Variants in CYP2U1 observed in about 807,000 individuals in gnomAD.
CYP2U1 encodes the protein cytochrome P450 2U1.
Under a neutral mutation model 42.8 loss-of-function variants are expected in CYP2U1, and 28 were observed. The ratio of observed to expected loss-of-function variants is 0.65; its 90% CI spans 0.48 to 0.90. The LOEUF (loss-of-function observed/expected upper bound fraction) is 0.90. Ranked by LOEUF, CYP2U1 falls within the 40% of genes least tolerant of loss-of-function variation. The pLI is 0.00. For synonymous variants in CYP2U1, 296 were observed against 278.9 expected (o/e 1.06, Z -0.61); for missense variants, 642 against 693.8 (o/e 0.93, Z 0.84).
Position 107,947,473 on chromosome 4 carries a change from G to A in CYP2U1, c.1224G>A (p.Met408Ile), listed in dbSNP as rs1290682250. The change falls in exon 3 of 5, where the codon ATG becomes ATA. Residue 408 changes from methionine (M) to isoleucine (I), a missense_variant. Transcript: ENST00000332884. Reference protein sequence around the residue: ...AQMPYTEATIMEVQRLTVVVP... With the variant: ...AQMPYTEATIIEVQRLTVVVP... ...TGCCCTACACAGAAGCCACCATCAT[G>A]GAAGTGCAGAGGCTAACTGTGGTGG... 6 of 1,614,124 alleles carry A rather than the reference G, an allele frequency of 3.7e-6. No homozygotes were observed. Among genetic ancestry groups the A allele is most frequent in the Non-Finnish European group, 4.2e-6 (5 of 1,180,006 alleles).
Position 107,932,117 on chromosome 4 carries a change from C to T in CYP2U1, c.474C>T (p.Ile158=), listed in dbSNP as rs1160910421. Residue 158 remains isoleucine, a synonymous_variant, in exon 1 of 5, where the codon ATC becomes ATT. Transcript: ENST00000332884. ...SDRPRVPLIS[I]VTKEKGVVFA... ...GCCCGCGGGTGCCGCTCATCTCCAT[C>T]GTGACCAAGGAGAAGGGTGAGCGGG... 6.2e-7 allele frequency: 1 copy of T among 1,604,018 alleles called. No individual in the cohort carries two copies. The highest frequency in any genetic ancestry group is 1.3e-5 in the African/African-American group (1 of 74,876).
In CYP2U1 at chr4:107,931,878, C is replaced by G. The variant is rs768868832; in HGVS notation, c.235C>G (p.Pro79Ala). The G allele has an allele frequency of 1.4e-5, 22 of 1,548,696 alleles. No homozygotes were observed. In the African/African-American group the frequency reaches 2.7e-4, roughly 19 times the overall value. Reference sequence around the variant, plus strand: ...CAACTTCGGTCACGTGCTGCTGCCTCCCTTCCTCCGGCGGCGGAGCTGGCT... The same window carrying G: ...CAACTTCGGTCACGTGCTGCTGCCTGCCTTCCTCCGGCGGCGGAGCTGGCT... The part of the protein sequence containing the change: ...VGNFGHVLLP[P>A]FLRRRSWLSS... Residue 79 changes from proline to alanine, a missense_variant, in exon 1 of 5, where the codon CCC becomes GCC. Coordinates refer to ENST00000332884, the MANE Select transcript of CYP2U1 (RefSeq NM_183075.3).
chr4:107,934,373 A>C (rs968894439), intron 1 of CYP2U1, among the ~76,000 whole-genome samples: 3 of 152,046 alleles, frequency 2.0e-5, no homozygotes, highest in Non-Finnish European at 4.4e-5. Context: ...TGTGTGCTAC[A>C]TCCATCTACT....
At chr4:107,938,067 T>G (rs780517384) in intron 1 of CYP2U1, 7 of 152,200 alleles carry the variant, frequency 4.6e-5, no homozygotes, top group African/African-American at 9.6e-5. Flanking sequence ...AATACCTGCT[T>G]CTTCTGAGGA....
intron 1 of CYP2U1, 139 bp downstream of exon 1, chr4:107,932,272 G>T: frequency 7.2e-7 from 1 of 1,394,524 alleles, no homozygotes; most frequent in Non-Finnish European, 9.4e-7. Flanking sequence ...ACTAACAGGT[G>T]ATGGTGGTGG....
At chr4:107,945,719 A>ACAAATACTT in intron 2 of CYP2U1, 114 bp downstream of exon 2, 1 of 1,348,956 alleles carries the variant, frequency 7.4e-7, no homozygotes, top group Non-Finnish European at 1.0e-6. Context: ...AGGCTGGCAA[A>ACAAATACTT]CAAATACTTG....
At chr4:107,935,514 A>AAAT (rs1733226734) in intron 1 of CYP2U1, 1 of 152,232 alleles carries the variant, frequency 6.6e-6, no homozygotes, top group African/African-American at 2.4e-5. Context: ...GGCATGAAGT[A>AAAT]AATGCTTGTG....
At chr4:107,942,286 C>T (rs955299486) in intron 1 of CYP2U1, among the ~76,000 whole-genome samples, 3 of 152,160 alleles carry the variant, frequency 2.0e-5, no homozygotes, top group African/African-American at 7.2e-5. Flanking sequence ...TAGGCTCCTC[C>T]ACCCACTGTC....
At chr4:107,936,186 C>T (rs887024621) in intron 1 of CYP2U1, 13 of 152,126 alleles carry the variant, frequency 8.5e-5, no homozygotes, top group Admixed American at 2.6e-4. Context: ...TTTTCCTAAG[C>T]ACAAAAAGAA....
chr4:107,938,129 C>G (rs11723906), intron 1 of CYP2U1: 87,118 of 151,904 alleles, frequency 0.57, 25,082 homozygotes, highest in East Asian at 0.71. Flanking sequence ...GGTTGAACGG[C>G]AGATGCCATA....
chr4:107,932,937 A>G (rs1056323283), intron 1 of CYP2U1, among the ~76,000 whole-genome samples: 1 of 152,222 alleles, frequency 6.6e-6, no homozygotes, highest in African/African-American at 2.4e-5. Context: ...CTGACGCTAC[A>G]TAACTTTATG....
chr4:107,946,637 G>A (rs535438317), intron 2 of CYP2U1, among the ~76,000 whole-genome samples: 5 of 152,056 alleles, frequency 3.3e-5, no homozygotes, highest in East Asian at 1.9e-4. Flanking sequence ...TATAAAAACT[G>A]CCACCAGGCA....
intron 1 of CYP2U1, chr4:107,940,260 T>TA (rs1560698304): frequency 1.3e-5 from 2 of 151,296 alleles, no homozygotes; most frequent in African/African-American, 2.4e-5. Context: ...AAATTTTTTT[T>TA]TTATTTTTTA....
At chr4:107,947,990 G>A (rs768463928) in intron 3 of CYP2U1, among the ~76,000 whole-genome samples, 82 of 152,132 alleles carry the variant, frequency 5.4e-4, no homozygotes, top group Non-Finnish European at 7.3e-4. Context: ...TTAGAAGGCC[G>A]GGTGTGGTGG....
chr4:107,948,632 T>C (rs1733798640), intron 3 of CYP2U1, among the ~76,000 whole-genome samples: 1 of 152,128 alleles, frequency 6.6e-6, no homozygotes, highest in Non-Finnish European at 1.5e-5. Context: ...AGCCCATCTT[T>C]TTCTAAAGTC....
At chr4:107,934,672 G>C (rs1493126) in intron 1 of CYP2U1, among the ~76,000 whole-genome samples, 25,854 of 151,982 alleles carry the variant, frequency 0.17, 2,411 homozygotes, top group Non-Finnish European at 0.21. Flanking sequence ...TTTTAGCTCT[G>C]CCTTCACTTG....
At chr4:107,949,832 C>T (rs1203371205) in intron 4 of CYP2U1, among the ~76,000 whole-genome samples, 2 of 152,186 alleles carry the variant, frequency 1.3e-5, no homozygotes, top group African/African-American at 4.8e-5. Context: ...CTAATCTCAA[C>T]AGTTCCTCTT....
intron 1 of CYP2U1, among the ~76,000 whole-genome samples, chr4:107,943,248 A>G (rs188531391): frequency 6.6e-6 from 1 of 152,340 alleles, no homozygotes; most frequent in East Asian, 1.9e-4. Context: ...ACTTCTGTGA[A>G]CACGCTTTCA....
At chr4:107,932,863 T>TG (rs1019651937) in intron 1 of CYP2U1, among the ~76,000 whole-genome samples, 5 of 152,210 alleles carry the variant, frequency 3.3e-5, no homozygotes, top group Non-Finnish European at 7.4e-5. Flanking sequence ...GCAAGTAGGG[T>TG]AGCCTCCCTT....
Sources: gnomAD v4.1 joint callset for allele counts (sites outside exome capture counted in the v4.1 genomes callset) on GRCh38, gnomAD v4.1.1 for gene constraint, MANE v1.5 for transcripts, NCBI Gene and HGNC (gene_info 2026-07-23, HGNC 2026-07-21) for gene names.